The following SHISAL1 variants were observed in gnomAD, a reference collection of about 807,000 sequenced individuals.
SHISAL1 encodes shisa like 1, also known as protein shisa-like-1.
A neutral mutation model predicts 22.6 loss-of-function variants in SHISAL1; 9 were observed. The ratio of observed to expected loss-of-function variants is 0.40; its 90% CI spans 0.24 to 0.70. The LOEUF (loss-of-function observed/expected upper bound fraction) is 0.70. Among genes scored for constraint, SHISAL1 ranks in the 30% least tolerant of loss-of-function variants. The pLI, the probability that SHISAL1 is intolerant of heterozygous loss-of-function variation, is 0.39. For synonymous variants in SHISAL1, 119 were observed against 115.4 expected (o/e 1.03, Z -0.20); for missense variants, 246 against 270.6 (o/e 0.91, Z 0.64).
chr22:44,277,799 T>A (rs1421147209), intron 4 of SHISAL1, among the ~76,000 whole-genome samples: 1 of 152,176 alleles, frequency 6.6e-6, no homozygotes, highest in Non-Finnish European at 1.5e-5. Context: ...GCACAGCCAT[T>A]GCAGGGTGGT....
In SHISAL1 at chr22:44,311,876, TA is replaced by T. The variant is rs1601809057; in HGVS notation, c.-33+874del. Among the ~76,000 whole-genome samples, 5 of 152,232 alleles carry T rather than the reference TA, an allele frequency of 3.3e-5. No individual in the cohort carries two copies. The East Asian group carries it at 9.6e-4, about 29-fold the overall frequency. On this transcript the variant is annotated intron_variant, in intron 1 of 4. Transcript: ENST00000381176. ...TTTGTTTCTCTCTGTCCTCCTGAGT[TA>T]TTTGGTTGCACCATGGAGATAAAAC...
At chr22:44,251,319 G>A (rs993380608) in intron 4 of SHISAL1, among the ~76,000 whole-genome samples, 4 of 152,146 alleles carry the variant, frequency 2.6e-5, no homozygotes, top group Admixed American at 1.3e-4. Flanking sequence ...CAAGAATAAA[G>A]TCAACAGAAA....
chr22:44,301,585 G>C (rs778584363), intron 1 of SHISAL1, among the ~76,000 whole-genome samples: 1 of 152,134 alleles, frequency 6.6e-6, no homozygotes, highest in South Asian at 2.1e-4. Context: ...ACAGGGACTC[G>C]AACAGATACG....
intron 4 of SHISAL1, among the ~76,000 whole-genome samples, chr22:44,257,125 C>A (rs1428927319): frequency 1.3e-5 from 2 of 152,180 alleles, no homozygotes; most frequent in Non-Finnish European, 2.9e-5. Flanking sequence ...TGGGGAGATG[C>A]TGGGGTCATT....
At position 44,264,452 on chromosome 22, in the gene SHISAL1, G is replaced by A. The variant is rs568293077; in HGVS notation, c.*-14767C>T. ...GAATAAATGACAGAGAGCAGGTGTG[G>A]TGTGAGCTCTGGTGGCTGGACATAC... is the stretch of plus-strand genomic sequence containing the variant. On this transcript the variant is annotated intron_variant, in intron 4 of 4. Coordinates refer to ENST00000381176, the MANE Select transcript of SHISAL1 (RefSeq NM_001099294.2). 3.3e-5 allele frequency among the ~76,000 whole-genome samples: 5 copies of A among 152,314 alleles called. No homozygotes were observed. In the South Asian group the frequency reaches 8.3e-4, roughly 25 times the overall value.
intron 4 of SHISAL1, among the ~76,000 whole-genome samples, chr22:44,259,218 C>T (rs1340762603): frequency 6.6e-6 from 1 of 151,894 alleles, no homozygotes; most frequent in African/African-American, 2.4e-5. Flanking sequence ...CCGAGGCGGG[C>T]GGATCACGAG....
chr22:44,304,360 T>C (rs1346875144), intron 1 of SHISAL1, among the ~76,000 whole-genome samples: 1 of 152,212 alleles, frequency 6.6e-6, no homozygotes, highest in African/African-American at 2.4e-5. Flanking sequence ...TCTGCAGCCT[T>C]GGTCTCCTCC....
chr22:44,259,009 GAATGAAGCCTGGC>G (rs2055103648), intron 4 of SHISAL1, among the ~76,000 whole-genome samples: 1 of 152,166 alleles, frequency 6.6e-6, no homozygotes, highest in South Asian at 2.1e-4. Context: ...TTGGAAACCA[GAATGAAGCCTGGC>G]TGACTCGACC....
chr22:44,253,121 G>A (rs1280793817), intron 4 of SHISAL1, among the ~76,000 whole-genome samples: 3 of 152,048 alleles, frequency 2.0e-5, no homozygotes, highest in African/African-American at 7.2e-5. Flanking sequence ...CTTTAAAAAT[G>A]GTTAAAATGA....
intron 4 of SHISAL1, among the ~76,000 whole-genome samples, chr22:44,281,454 C>T (rs180832924): frequency 6.6e-6 from 1 of 151,852 alleles, no homozygotes; most frequent in Non-Finnish European, 1.5e-5. Context: ...GTGTTTGTGT[C>T]TGTGTGTGTA....
chr22:44,245,823 GTCC>G lies in SHISAL1; in HGVS notation c.*3859_*3861del, dbSNP rs2054995486. The G allele has an allele frequency of 6.6e-6, 1 of 152,216 alleles. No homozygotes were observed. The highest frequency in any genetic ancestry group is 1.5e-5 in the Non-Finnish European group (1 of 68,046). 9.4% of individuals were successfully genotyped at this position (152,216 alleles called of 1,614,324 possible). On this transcript the variant is annotated 3_prime_UTR_variant, in exon 5 of 5. Transcript: ENST00000381176. ...GTCATGTTTTCCCTGACATTCCCAA[GTCC>G]TCCTCTTCAGCTCTGGGCCAAAATT...
At chr22:44,293,880 C>G (rs764695603) in intron 3 of SHISAL1, among the ~76,000 whole-genome samples, 1 of 152,256 alleles carries the variant, frequency 6.6e-6, no homozygotes, top group Non-Finnish European at 1.5e-5. Flanking sequence ...AAGGCCTTTA[C>G]TTTGCAGCCC....
At chr22:44,299,654 G>A (rs758361648) in intron 2 of SHISAL1, among the ~76,000 whole-genome samples, 1 of 151,906 alleles carries the variant, frequency 6.6e-6, no homozygotes, top group Non-Finnish European at 1.5e-5. Context: ...CACCAGGCCA[G>A]TGTCAGTGAC....
rs996891534 is a variant in SHISAL1, at chr22:44,245,723, C to G, written c.*3962G>C. 7.2e-5 allele frequency: 11 copies of G among 152,272 alleles called. No individual in the cohort carries two copies. The highest frequency in any genetic ancestry group is 1.3e-4 in the Non-Finnish European group (9 of 68,110). The allele number at this position is 152,272 out of a possible 1,614,324, so 9.4% of individuals were successfully genotyped here. On this transcript the variant is annotated 3_prime_UTR_variant, in exon 5 of 5. Transcript: ENST00000381176. Reference sequence around the variant, plus strand: ...ACAGCCCTGGTCTGTTTGCCATGACCTGAAGAGAGCTTTTGGGTTGACGGT... The same window carrying G: ...ACAGCCCTGGTCTGTTTGCCATGACGTGAAGAGAGCTTTTGGGTTGACGGT...
chr22:44,286,972 T>C (rs893411823), intron 3 of SHISAL1, among the ~76,000 whole-genome samples: 3 of 152,258 alleles, frequency 2.0e-5, no homozygotes, highest in Admixed American at 6.5e-5. Context: ...GTCCGGCCTG[T>C]ACACGCCACC....
chr22:44,325,370 T>C, the SHISAL1 span, among the ~76,000 whole-genome samples: 93 of 152,188 alleles, frequency 6.1e-4, 1 homozygote, highest in African/African-American at 2.2e-3. Flanking sequence ...ATCAGCACAT[T>C]TTCTGGACGC....
In SHISAL1 at chr22:44,250,633, T is replaced by C. The variant is rs371473201; in HGVS notation, c.*-948A>G. Among the ~76,000 whole-genome samples the C allele has an allele frequency of 4.9e-4, 74 of 152,290 alleles. 1 individual carries two copies. The highest frequency in any genetic ancestry group is 1.8e-3 in the African/African-American group (73 of 41,560). On this transcript the variant is annotated intron_variant, in intron 4 of 4. Coordinates refer to ENST00000381176, the MANE Select transcript of SHISAL1 (RefSeq NM_001099294.2). ...TCACATGACCCAGTCTGGCTAACGC[T>C]GTGTAAGTGGGAGTCTATTGGGAAG... is the stretch of plus-strand genomic sequence containing the variant.
chr22:44,290,944 T>C (rs1378062268), intron 3 of SHISAL1, among the ~76,000 whole-genome samples: 1 of 152,198 alleles, frequency 6.6e-6, no homozygotes, highest in Non-Finnish European at 1.5e-5. Context: ...GCTTTGGGCC[T>C]GGATATACCT....
chr22:44,263,754 G>C (rs1360028670), intron 4 of SHISAL1, among the ~76,000 whole-genome samples: 1 of 152,198 alleles, frequency 6.6e-6, no homozygotes, highest in Non-Finnish European at 1.5e-5. Context: ...AACTGGAGCA[G>C]ACAAGGAAAC....
Sources: allele counts gnomAD v4.1 joint callset (sites outside exome capture counted in the v4.1 genomes callset), GRCh38; gene constraint gnomAD v4.1.1; transcripts MANE v1.5; gene names NCBI Gene and HGNC (gene_info 2026-07-23, HGNC 2026-07-21).